KCNIP1: variants seen among roughly 807,000 people sequenced by gnomAD.
KCNIP1 encodes the protein A-type potassium channel modulatory protein KCNIP1.
Under a neutral mutation model 33.0 loss-of-function variants are expected in KCNIP1, and 18 were observed. The observed-to-expected ratio is 0.55, with a 90% CI of 0.38 to 0.81. KCNIP1 has a LOEUF of 0.81. Among genes scored for constraint, KCNIP1 ranks in the 30% least tolerant of loss-of-function variants. The pLI is 0.00. For synonymous variants in KCNIP1, 93 were observed against 98.3 expected (o/e 0.95, Z 0.32); for missense variants, 238 against 271.6 (o/e 0.88, Z 0.87).
intron 1 of KCNIP1, among the ~76,000 whole-genome samples, chr5:170,560,009 T>G (rs1252502607): frequency 6.6e-6 from 1 of 152,220 alleles, no homozygotes; most frequent in Non-Finnish European, 1.5e-5. Flanking sequence ...ATTATCCTGC[T>G]TCTTAAGTTT....
chr5:170,668,757 G>A (rs962104099), intron 1 of KCNIP1, among the ~76,000 whole-genome samples: 25 of 152,312 alleles, frequency 1.6e-4, no homozygotes, highest in African/African-American at 5.5e-4. Context: ...AGGCAGCCCA[G>A]ATGACTGGGG....
intron 1 of KCNIP1, among the ~76,000 whole-genome samples, chr5:170,682,624 C>T (rs1175053175): frequency 6.6e-6 from 1 of 152,046 alleles, no homozygotes; most frequent in Non-Finnish European, 1.5e-5. Flanking sequence ...ATGTGCTTTT[C>T]TGAAGATCCA....
At chr5:170,503,692 GACACACACACAC>G (rs113237236), upstream of KCNIP1, among the ~76,000 whole-genome samples, 3 of 142,946 alleles carry the variant, frequency 2.1e-5, no homozygotes, top group Non-Finnish European at 3.1e-5. Flanking sequence ...CACACACAGG[GACACACACACAC>G]ACACACGCAC....
At chr5:170,485,433 C>T (rs759258455) in intron 1 of KCNIP1, among the ~76,000 whole-genome samples, 4 of 152,134 alleles carry the variant, frequency 2.6e-5, no homozygotes, top group Non-Finnish European at 5.9e-5. Flanking sequence ...AGGGTGTGGA[C>T]GGGGAGGGTG....
intron 1 of KCNIP1, among the ~76,000 whole-genome samples, chr5:170,713,070 C>T (rs1280426799): frequency 6.6e-6 from 1 of 152,206 alleles, no homozygotes; most frequent in Non-Finnish European, 1.5e-5. Flanking sequence ...ACAGGAAAAG[C>T]TTTGCTCCCC....
chr5:170,575,599 G>A (rs1415094726), intron 1 of KCNIP1, among the ~76,000 whole-genome samples: 2 of 152,160 alleles, frequency 1.3e-5, no homozygotes, highest in Admixed American at 6.5e-5. Context: ...GCTTTTGTGT[G>A]TGCTGATCTG....
chr5:170,617,325 G>C (rs1193595791), intron 1 of KCNIP1, among the ~76,000 whole-genome samples: 1 of 151,946 alleles, frequency 6.6e-6, no homozygotes, highest in Non-Finnish European at 1.5e-5. Context: ...AAAAAGGCCG[G>C]ATAAGCAAGA....
At chr5:170,373,801 A>T (rs1352774449) in intron 1 of KCNIP1, among the ~76,000 whole-genome samples, 3 of 152,242 alleles carry the variant, frequency 2.0e-5, no homozygotes, top group Non-Finnish European at 4.4e-5. Flanking sequence ...AAAATGAAAA[A>T]GGCAAATAAT....
chr5:170,364,851 C>T (rs1390649638), intron 1 of KCNIP1, among the ~76,000 whole-genome samples: 1 of 152,200 alleles, frequency 6.6e-6, no homozygotes, highest in Non-Finnish European at 1.5e-5. Flanking sequence ...TTATCACAGT[C>T]AAGCTAATGA....
At chr5:170,524,424 C>T (rs2113319814) in intron 1 of KCNIP1, among the ~76,000 whole-genome samples, 1 of 152,306 alleles carries the variant, frequency 6.6e-6, no homozygotes, top group South Asian at 2.1e-4. Context: ...GGGTTTCAAT[C>T]TTAGCTCTGT....
At chr5:170,651,418 TAAG>T (rs1337427701) in intron 1 of KCNIP1, among the ~76,000 whole-genome samples, 2 of 152,190 alleles carry the variant, frequency 1.3e-5, no homozygotes, top group Admixed American at 6.5e-5. Context: ...TTGGGCCTAA[TAAG>T]AAGTCTATGG....
intron 1 of KCNIP1, among the ~76,000 whole-genome samples, chr5:170,494,623 C>T (rs551060450): frequency 2.0e-4 from 31 of 152,314 alleles, no homozygotes; most frequent in African/African-American, 6.7e-4. Context: ...CACCAGCGTA[C>T]GTCCTGTGTT....
intron 5 of KCNIP1, among the ~76,000 whole-genome samples, chr5:170,729,757 T>C (rs1764132818): frequency 2.0e-5 from 3 of 152,138 alleles, no homozygotes; most frequent in Admixed American, 2.0e-4. Context: ...TGGTTTTTCA[T>C]ACATAGTTGC....
At chr5:170,586,048 C>G (rs28577044) in intron 1 of KCNIP1, among the ~76,000 whole-genome samples, 7,982 of 152,214 alleles carry the variant, frequency 0.052, 244 homozygotes, top group African/African-American at 0.084. Flanking sequence ...CTGGGCAGGC[C>G]GGGCAACATG....
intron 1 of KCNIP1, among the ~76,000 whole-genome samples, chr5:170,411,385 C>T (rs888087925): frequency 6.6e-6 from 1 of 152,174 alleles, no homozygotes; most frequent in Admixed American, 6.5e-5. Flanking sequence ...CTTCAAAGAC[C>T]AAGTTCTCAT....
At chr5:170,492,980 C>T (rs534056448) in intron 1 of KCNIP1, among the ~76,000 whole-genome samples, 5 of 152,176 alleles carry the variant, frequency 3.3e-5, no homozygotes, top group Non-Finnish European at 5.9e-5. Flanking sequence ...GATTCCCTGA[C>T]CTCATGATCC....
chr5:170,384,322 C>A (rs1050518874), intron 1 of KCNIP1, among the ~76,000 whole-genome samples: 1 of 152,188 alleles, frequency 6.6e-6, no homozygotes, highest in Non-Finnish European at 1.5e-5. Context: ...TTGCTGAGAC[C>A]TTGCAGGACC....
At position 170,632,447 on chromosome 5, in the gene KCNIP1, C is replaced by A. The variant is rs902782673; in HGVS notation, c.62-86311C>A. ...GAATCCTTTGCAGAGAAGCAGCCTC[C>A]TTTGGCAGGGGCTGCAGAGCACTCT... is the stretch of plus-strand genomic sequence containing the variant. On this transcript the variant is annotated intron_variant, in intron 1 of 7. Transcript: ENST00000328939. Among the ~76,000 whole-genome samples the A allele has an allele frequency of 2.6e-5, 4 of 152,238 alleles. No homozygotes were observed. In the East Asian group the frequency reaches 7.7e-4, roughly 29 times the overall value.
intron 1 of KCNIP1, among the ~76,000 whole-genome samples, chr5:170,695,844 C>T (rs1184105875): frequency 6.6e-6 from 1 of 152,072 alleles, no homozygotes; most frequent in Non-Finnish European, 1.5e-5. Context: ...CATGATGAAA[C>T]CCCGTCTCTA....
Sources: allele counts gnomAD v4.1 joint callset (sites outside exome capture counted in the v4.1 genomes callset), GRCh38; gene constraint gnomAD v4.1.1; transcripts MANE v1.5; gene names NCBI Gene and HGNC (gene_info 2026-07-23, HGNC 2026-07-21).